The following SPTLC3 variants were observed in gnomAD, a reference collection of about 807,000 sequenced individuals.
The protein encoded by SPTLC3 is serine palmitoyltransferase 3.
Under a neutral mutation model 59.3 loss-of-function variants are expected in SPTLC3, and 36 were observed. The ratio of observed to expected loss-of-function variants is 0.61; its 90% CI spans 0.47 to 0.80. The LOEUF (loss-of-function observed/expected upper bound fraction) is 0.80. Ranked by LOEUF, SPTLC3 falls within the 30% of genes least tolerant of loss-of-function variation. The probability of loss-of-function intolerance (pLI) is 0.00; values close to 1 mark genes in which losing one functional copy is unlikely to be tolerated. For synonymous variants in SPTLC3, 257 were observed against 240.8 expected, an observed-to-expected ratio of 1.07 and a Z score of -0.62; for missense variants, 625 against 685.1, an observed-to-expected ratio of 0.91 and a Z score of 0.98.
chr20:13,089,773 G>A (rs7262974), intron 4 of SPTLC3, among the ~76,000 whole-genome samples: 39,414 of 134,748 alleles, frequency 0.29, 5,654 homozygotes, highest in Middle Eastern at 0.4. Context: ...ATGACAGAGC[G>A]AGATTCTATC....
chr20:13,143,154 T>G (rs1410168461), intron 9 of SPTLC3, among the ~76,000 whole-genome samples: 1 of 152,156 alleles, frequency 6.6e-6, no homozygotes, highest in Non-Finnish European at 1.5e-5. Context: ...ATGGAGGACA[T>G]GTCTTGGGCA....
At chr20:13,045,066 A>G (rs889190928) in intron 1 of SPTLC3, among the ~76,000 whole-genome samples, 2 of 151,782 alleles carry the variant, frequency 1.3e-5, no homozygotes, top group Non-Finnish European at 2.9e-5. Flanking sequence ...TGGGGAAAAC[A>G]TACTGTATTT....
At chr20:13,123,727 A>T (rs1244512733) in intron 8 of SPTLC3, among the ~76,000 whole-genome samples, 1 of 152,110 alleles carries the variant, frequency 6.6e-6, no homozygotes, top group African/African-American at 2.4e-5. Flanking sequence ...GGACAGGCCC[A>T]TGCCTTTTTG....
chr20:13,042,193 C>T (rs999974274), intron 1 of SPTLC3, among the ~76,000 whole-genome samples: 2 of 152,156 alleles, frequency 1.3e-5, no homozygotes, highest in African/African-American at 4.8e-5. Flanking sequence ...TTGCTTTTAC[C>T]GAGTTACCAG....
At chr20:13,159,673 A>G (rs1039669977) in intron 10 of SPTLC3, among the ~76,000 whole-genome samples, 5 of 152,228 alleles carry the variant, frequency 3.3e-5, no homozygotes, top group Admixed American at 2.6e-4. Flanking sequence ...TGGATTTTAT[A>G]TCACTGCAGA....
At chr20:13,115,860 A>T (rs955217657) in intron 7 of SPTLC3, among the ~76,000 whole-genome samples, 2 of 152,172 alleles carry the variant, frequency 1.3e-5, no homozygotes, top group South Asian at 2.1e-4. Flanking sequence ...TCCTGTTTGT[A>T]TTGCATATGA....
intron 11 of SPTLC3, among the ~76,000 whole-genome samples, chr20:13,161,162 T>C (rs6033633): frequency 0.053 from 8,094 of 152,298 alleles, 245 homozygotes; most frequent in African/African-American, 0.08. Flanking sequence ...TGATTGGATG[T>C]GGTGCATATG....
chr20:13,133,771 G>A (rs535792645), intron 9 of SPTLC3, among the ~76,000 whole-genome samples: 6 of 152,248 alleles, frequency 3.9e-5, no homozygotes, highest in Admixed American at 6.5e-5. Flanking sequence ...GGGAACTTAC[G>A]TACAGGGATG....
chr20:13,028,509 A>C (rs1365897362), intron 1 of SPTLC3, among the ~76,000 whole-genome samples: 6 of 152,204 alleles, frequency 3.9e-5, no homozygotes, highest in Admixed American at 6.5e-5. Flanking sequence ...ATGTCTGATT[A>C]AGAGACAGTC....
chr20:13,089,170 C>T (rs1043902262), intron 4 of SPTLC3, among the ~76,000 whole-genome samples: 10 of 152,136 alleles, frequency 6.6e-5, no homozygotes, highest in African/African-American at 2.2e-4. Context: ...GTATAGTAAA[C>T]TATGTTGATC....
chr20:13,113,006 A>G (rs2122716972), intron 7 of SPTLC3, among the ~76,000 whole-genome samples: 1 of 152,218 alleles, frequency 6.6e-6, no homozygotes. Flanking sequence ...AACAGGGTGA[A>G]ACCCCACCTC....
Position 13,009,035 on chromosome 20 carries a change from T to C in SPTLC3, c.-233T>C, listed in dbSNP as rs776812394. On this transcript the variant is annotated 5_prime_UTR_variant, in exon 1 of 12. It removes an upstream start codon present in the reference 5' UTR. Coordinates refer to ENST00000399002, the MANE Select transcript of SPTLC3 (RefSeq NM_018327.4). ...AGTTTCGGAAGCAGGTTTGTTGCCA[T>C]GGAGTTCACATTTTGACGGGAGTTG... 2.2e-4 allele frequency: 92 copies of C among 417,924 alleles called. No homozygotes were observed. Among genetic ancestry groups the C allele is most frequent in the Non-Finnish European group, 3.7e-4 (85 of 232,462 alleles). The allele number at this position is 417,924 out of a possible 1,614,324, so 25.9% of individuals were successfully genotyped here. A position where few individuals can be genotyped will look rare whatever the true frequency, so the allele number is the denominator to read the frequency against.
chr20:13,078,853 G>A (rs919268341), intron 4 of SPTLC3, among the ~76,000 whole-genome samples: 4 of 152,038 alleles, frequency 2.6e-5, no homozygotes, highest in East Asian at 1.9e-4. Flanking sequence ...CCCTCCACTC[G>A]AAATAGAGTT....
chr20:13,009,461 G>C, intron 1 of SPTLC3, 77 bp downstream of exon 1: 2 of 1,322,636 alleles, frequency 1.5e-6, no homozygotes, highest in South Asian at 2.5e-5. Flanking sequence ...ATTTGAGGCT[G>C]TCCTAACTTA....
At position 13,040,092 on chromosome 20, in the gene SPTLC3, GAGAA is replaced by G. The variant is rs904224177; in HGVS notation, c.118-8845_118-8842del. Among the ~76,000 whole-genome samples, 12 of 151,228 alleles carry G rather than the reference GAGAA, an allele frequency of 7.9e-5. No homozygotes were observed. In the South Asian group the frequency reaches 1.5e-3, roughly 18 times the overall value. ...GTGTGTGTGTGTATGTATACATATT[GAGAA>G]AGAAAGAGTTTGTTACATCAACTTT... On this transcript the variant is annotated intron_variant, in intron 1 of 11. Coordinates refer to ENST00000399002, the MANE Select transcript of SPTLC3 (RefSeq NM_018327.4).
chr20:13,012,524 C>A (rs188556726), intron 1 of SPTLC3, among the ~76,000 whole-genome samples: 1 of 152,222 alleles, frequency 6.6e-6, no homozygotes, highest in East Asian at 1.9e-4. Context: ...ACAAGAGCTG[C>A]CATAAAGCAG....
intron 8 of SPTLC3, among the ~76,000 whole-genome samples, chr20:13,123,759 C>A (rs1387949122): frequency 2.0e-5 from 3 of 152,186 alleles, no homozygotes; most frequent in African/African-American, 7.2e-5. Flanking sequence ...CTATCCAAAT[C>A]TCCCCATCCC....
At position 13,165,099 on chromosome 20, in the gene SPTLC3, T is replaced by TACACACAC. The variant is rs34511643; in HGVS notation, c.*247_*254dup. On this transcript the variant is annotated 3_prime_UTR_variant, in exon 12 of 12. Transcript: ENST00000399002. ...CTTCTTCCAAGTATTCTACTAGAAA[T>TACACACAC]ACACACACACACACACACACACTTC... is the stretch of plus-strand genomic sequence containing the variant. 1.9e-4 allele frequency: 73 copies of TACACACAC among 374,642 alleles called. No homozygotes were observed. Among genetic ancestry groups the TACACACAC allele is most frequent in the South Asian group, 7.4e-4 (16 of 21,664 alleles). The allele number at this position is 374,642 out of a possible 1,614,324, so 23.2% of individuals were successfully genotyped here.
intron 10 of SPTLC3, among the ~76,000 whole-genome samples, chr20:13,158,233 C>T (rs1051738519): frequency 6.6e-5 from 10 of 152,196 alleles, no homozygotes; most frequent in South Asian, 2.1e-4. Flanking sequence ...TTTCTTTTAG[C>T]CTATTGCCAA....
Sources: allele counts gnomAD v4.1 joint callset (sites outside exome capture counted in the v4.1 genomes callset), GRCh38; gene constraint gnomAD v4.1.1; transcripts MANE v1.5; gene names NCBI Gene and HGNC (gene_info 2026-07-23, HGNC 2026-07-21).